DLG2: variants seen among roughly 807,000 people sequenced by gnomAD.
DLG2 encodes disks large homolog 2.
A neutral mutation model predicts 132.5 loss-of-function variants in DLG2; 45 were observed. The observed-to-expected ratio is 0.34, with a 90% CI of 0.27 to 0.44. The LOEUF (loss-of-function observed/expected upper bound fraction) is 0.44, where lower values mean the gene tolerates loss of function less well. Among genes scored for constraint, DLG2 ranks in the 20% least tolerant of loss-of-function variants. DLG2 has a pLI of 1.00. For synonymous variants in DLG2, 424 were observed against 419.6 expected, an observed-to-expected ratio of 1.01 and a Z score of -0.13; for missense variants, 1,045 against 1,196.9, an observed-to-expected ratio of 0.87 and a Z score of 1.87.
chr11:84,313,459 T>A (rs952569350), intron 7 of DLG2, among the ~76,000 whole-genome samples: 52 of 146,582 alleles, frequency 3.5e-4, no homozygotes, highest in African/African-American at 1.2e-3. Flanking sequence ...GAATAGTACA[T>A]AGTAGGCATT....
chr11:84,791,675 A>G (rs2073867342), intron 6 of DLG2, among the ~76,000 whole-genome samples: 1 of 152,054 alleles, frequency 6.6e-6, no homozygotes, highest in Non-Finnish European at 1.5e-5. Flanking sequence ...TAATTCCTAG[A>G]TATTTAATTT....
intron 6 of DLG2, among the ~76,000 whole-genome samples, chr11:84,594,893 A>C (rs2099552665): frequency 6.6e-6 from 1 of 152,156 alleles, no homozygotes; most frequent in Admixed American, 6.5e-5. Flanking sequence ...TACTGGTTTA[A>C]AGCAAACCTC....
chr11:85,603,321 T>C (rs1175318207), intron 2 of DLG2, among the ~76,000 whole-genome samples: 3 of 152,188 alleles, frequency 2.0e-5, no homozygotes, highest in African/African-American at 7.2e-5. Flanking sequence ...TATTTACAAA[T>C]ATAAATAGTT....
intron 4 of DLG2, among the ~76,000 whole-genome samples, chr11:85,221,804 C>T (rs1262518852): frequency 2.0e-5 from 3 of 152,198 alleles, no homozygotes; most frequent in Admixed American, 2.0e-4. Flanking sequence ...TTGTGCCTGA[C>T]TTGAAAGCCT....
intron 10 of DLG2, among the ~76,000 whole-genome samples, chr11:84,097,782 G>GC (rs954452841): frequency 2.0e-5 from 3 of 152,156 alleles, no homozygotes; most frequent in African/African-American, 7.2e-5. Context: ...TTACAACCTA[G>GC]CAGGGGTGCT....
chr11:84,912,780 G>A (rs1293446359), intron 6 of DLG2, among the ~76,000 whole-genome samples: 3 of 152,200 alleles, frequency 2.0e-5, no homozygotes, highest in African/African-American at 7.2e-5. Flanking sequence ...GGTTACAGTA[G>A]GTCTCGCAGA....
chr11:84,237,873 T>C (rs2097177890), intron 8 of DLG2, among the ~76,000 whole-genome samples: 1 of 150,872 alleles, frequency 6.6e-6, no homozygotes, highest in Non-Finnish European at 1.5e-5. Flanking sequence ...CTGTCTTTAC[T>C]AAAAAGAAAG....
At chr11:85,556,117 A>G (rs1337970142) in intron 3 of DLG2, among the ~76,000 whole-genome samples, 1 of 151,858 alleles carries the variant, frequency 6.6e-6, no homozygotes, top group Non-Finnish European at 1.5e-5. Context: ...TGAGGTTTAC[A>G]TTGAGATATT....
chr11:83,867,975 G>C (rs2062714234), intron 16 of DLG2, among the ~76,000 whole-genome samples: 1 of 152,136 alleles, frequency 6.6e-6, no homozygotes, highest in Non-Finnish European at 1.5e-5. Flanking sequence ...AAAAAAATCT[G>C]TTCACCCTTT....
intron 10 of DLG2, among the ~76,000 whole-genome samples, chr11:84,088,878 T>C (rs1402331758): frequency 2.6e-5 from 4 of 152,216 alleles, no homozygotes; most frequent in Non-Finnish European, 5.9e-5. Flanking sequence ...ATGAAGGTCT[T>C]CCTGTTCAGA....
rs2065679384 is a variant in DLG2, at chr11:83,639,164, G to A, written c.1826-5839C>T. 2.0e-5 allele frequency among the ~76,000 whole-genome samples: 3 copies of A among 152,296 alleles called. No individual in the cohort carries two copies. The South Asian group carries it at 6.2e-4, about 32-fold the overall frequency. On this transcript the variant is annotated intron_variant, in intron 18 of 27. Coordinates refer to ENST00000376104, the MANE Select transcript of DLG2 (RefSeq NM_001142699.3). ...AGAAAACAATACACTCAGTGGGTTA[G>A]GCAATAGCATGAGGCCATGGCCTGC...
Position 84,502,277 on chromosome 11 carries a change from T to C in DLG2, c.519+32293A>G, listed in dbSNP as rs768155790. ...TTCCTTCCTTCCTTCCTTCCTTCCTTCCTTCTTTCTTTCTTTCTTTCTTTC... is the reference window on the plus strand; with the variant it reads ...TTCCTTCCTTCCTTCCTTCCTTCCTCCCTTCTTTCTTTCTTTCTTTCTTTC... On this transcript the variant is annotated intron_variant, in intron 7 of 27. Coordinates refer to ENST00000376104, the MANE Select transcript of DLG2 (RefSeq NM_001142699.3). 3.3e-5 allele frequency among the ~76,000 whole-genome samples: 2 copies of C among 60,856 alleles called. 1 individual carries two copies. Among genetic ancestry groups the C allele is most frequent in the Non-Finnish European group, 5.9e-5 (2 of 34,168 alleles). The allele number at this position is 60,856 out of a possible 152,430, so 39.9% of individuals were successfully genotyped here.
chr11:83,691,678 G>A lies in DLG2; in HGVS notation c.1826-58353C>T, dbSNP rs148771720. Among the ~76,000 whole-genome samples, 154 of 152,220 alleles carry A rather than the reference G, an allele frequency of 1.0e-3. 1 individual carries two copies. Among genetic ancestry groups the A allele is most frequent in the South Asian group, 8.9e-3 (43 of 4,814 alleles). On this transcript the variant is annotated intron_variant, in intron 18 of 27. Coordinates refer to ENST00000376104, the MANE Select transcript of DLG2 (RefSeq NM_001142699.3). ...CTCTGCCCAGTGGAGATCAGAAGCC[G>A]ATAGAAGATACTCTGCATATGCTTT...
chr11:85,340,550 G>C (rs1423553026), intron 3 of DLG2, among the ~76,000 whole-genome samples: 1 of 152,190 alleles, frequency 6.6e-6, no homozygotes, highest in Non-Finnish European at 1.5e-5. Flanking sequence ...ATGATGAGTT[G>C]ATGGGTGCAG....
chr11:84,430,636 C>T (rs915231166), intron 7 of DLG2, among the ~76,000 whole-genome samples: 2 of 152,092 alleles, frequency 1.3e-5, no homozygotes, highest in African/African-American at 4.8e-5. Flanking sequence ...GCCCTCCAGC[C>T]TACTCCTGCC....
At chr11:83,896,552 G>C (rs946286040) in intron 15 of DLG2, among the ~76,000 whole-genome samples, 1 of 152,190 alleles carries the variant, frequency 6.6e-6, no homozygotes, top group East Asian at 1.9e-4. Context: ...GCTTGACCCC[G>C]TAAACAGGCA....
intron 4 of DLG2, among the ~76,000 whole-genome samples, chr11:85,223,971 T>A (rs1482643942): frequency 6.6e-6 from 1 of 152,140 alleles, no homozygotes; most frequent in East Asian, 1.9e-4. Flanking sequence ...TCAAAACACA[T>A]TTCTACTTTA....
intron 18 of DLG2, among the ~76,000 whole-genome samples, chr11:83,721,523 C>A (rs1295400459): frequency 2.6e-5 from 4 of 152,194 alleles, no homozygotes; most frequent in African/African-American, 4.8e-5. Flanking sequence ...TCACTGAGCA[C>A]CTGCTATTCA....
At chr11:85,429,589 C>G (rs963914520) in intron 3 of DLG2, among the ~76,000 whole-genome samples, 1 of 152,104 alleles carries the variant, frequency 6.6e-6, no homozygotes, top group Non-Finnish European at 1.5e-5. Flanking sequence ...TTTATGCAGC[C>G]AAAAGACACA....
Sources: gnomAD v4.1 joint callset for allele counts (sites outside exome capture counted in the v4.1 genomes callset) on GRCh38, gnomAD v4.1.1 for gene constraint, MANE v1.5 for transcripts, NCBI Gene and HGNC (gene_info 2026-07-23, HGNC 2026-07-21) for gene names.